NHSL1: variants seen among roughly 807,000 people sequenced by gnomAD.
NHSL1 encodes the protein NHS like 1, also known as NHS-like protein 1.
Under a neutral mutation model 95.0 loss-of-function variants are expected in NHSL1, and 48 were observed. The ratio of observed to expected loss-of-function variants is 0.51; its 90% CI spans 0.40 to 0.64. The LOEUF (loss-of-function observed/expected upper bound fraction) is 0.64, where lower values mean the gene tolerates loss of function less well. NHSL1 is among the 30% of genes least tolerant of loss of function. The pLI, the probability that NHSL1 is intolerant of heterozygous loss-of-function variation, is 0.00. For missense variants in NHSL1, 1,971 were observed against 2,077.7 expected (o/e 0.95, Z 1.00); for synonymous variants, 783 against 833.9 (o/e 0.94, Z 1.05).
intron 1 of NHSL1, among the ~76,000 whole-genome samples, chr6:138,601,533 C>G (rs6927430): frequency 0.47 from 71,820 of 151,810 alleles, 19,330 homozygotes; most frequent in African/African-American, 0.74. Flanking sequence ...GTTTTTCTTG[C>G]CCGGGCACGG....
At chr6:138,662,300 G>A (rs1785237654) in intron 1 of NHSL1, among the ~76,000 whole-genome samples, 2 of 152,138 alleles carry the variant, frequency 1.3e-5, no homozygotes, top group Admixed American at 1.3e-4. Flanking sequence ...CATTACAAGT[G>A]TAGTTTAACC....
chr6:138,687,092 C>T (rs970078361), intron 1 of NHSL1, among the ~76,000 whole-genome samples: 5 of 152,030 alleles, frequency 3.3e-5, no homozygotes, highest in Admixed American at 2.0e-4. Flanking sequence ...ATGCCAATTT[C>T]GCCAAACATT....
chr6:138,681,037 CT>C (rs1216257458), intron 1 of NHSL1, among the ~76,000 whole-genome samples: 2 of 152,084 alleles, frequency 1.3e-5, no homozygotes, highest in Non-Finnish European at 2.9e-5. Context: ...GTTAATTAAT[CT>C]TTTTTCCCAA....
intron 3 of NHSL1, among the ~76,000 whole-genome samples, chr6:138,471,804 T>C (rs1175128725): frequency 6.6e-6 from 1 of 152,248 alleles, no homozygotes; most frequent in Non-Finnish European, 1.5e-5. Context: ...TAGTCTGATT[T>C]AATCATTCCA....
chr6:138,426,481 C>A (rs4895523), intron 7 of NHSL1, among the ~76,000 whole-genome samples: 23,502 of 152,122 alleles, frequency 0.15, 3,473 homozygotes, highest in African/African-American at 0.39. Context: ...TTCCTATCAC[C>A]AAAAGGGGAA....
chr6:138,505,747 C>A (rs927232597), intron 1 of NHSL1, among the ~76,000 whole-genome samples: 2 of 151,316 alleles, frequency 1.3e-5, no homozygotes, highest in African/African-American at 4.9e-5. Context: ...AAATAAAAGT[C>A]AGACATAATA....
At chr6:138,667,230 C>T (rs763630886) in intron 1 of NHSL1, among the ~76,000 whole-genome samples, 8 of 152,124 alleles carry the variant, frequency 5.3e-5, no homozygotes, top group Non-Finnish European at 1.0e-4. Context: ...AGCTACAGCT[C>T]TAAATGTAGA....
chr6:138,686,869 A>T (rs1461823805), intron 1 of NHSL1, among the ~76,000 whole-genome samples: 2 of 152,174 alleles, frequency 1.3e-5, no homozygotes, highest in Non-Finnish European at 2.9e-5. Flanking sequence ...AGGGTCTGGG[A>T]ATCTCTAATT....
chr6:138,508,008 C>T (rs1313489480), intron 1 of NHSL1, among the ~76,000 whole-genome samples: 2 of 152,170 alleles, frequency 1.3e-5, no homozygotes, highest in Admixed American at 6.5e-5. Flanking sequence ...AAGCTAAAGG[C>T]TTCTGCTGTA....
At chr6:138,538,328 C>T (rs879806880) in intron 1 of NHSL1, among the ~76,000 whole-genome samples, 11 of 152,136 alleles carry the variant, frequency 7.2e-5, no homozygotes, top group East Asian at 1.9e-4. Context: ...TTTTGCCATG[C>T]CATCCCACAT....
upstream of NHSL1, among the ~76,000 whole-genome samples, chr6:138,546,427 C>CAAAA (rs1177720465): frequency 3.3e-3 from 169 of 50,964 alleles, 8 homozygotes; most frequent in African/African-American, 5.1e-3. Context: ...CCCATCTCTA[C>CAAAA]AAAAAAAAAA....
chr6:138,426,246 A>G (rs1775255625), intron 7 of NHSL1, among the ~76,000 whole-genome samples: 2 of 152,234 alleles, frequency 1.3e-5, no homozygotes, highest in South Asian at 4.1e-4. Context: ...TGAGAGTATG[A>G]TATCTGTACA....
chr6:138,461,461 G>A (rs1387595527), intron 3 of NHSL1, among the ~76,000 whole-genome samples: 1 of 152,348 alleles, frequency 6.6e-6, no homozygotes, highest in East Asian at 1.9e-4. Context: ...AGAGAGGGAA[G>A]AGGAAAACCA....
rs140139553 is a variant in NHSL1 at position 138,557,523 on chromosome 6, A to C, written c.202+14187T>G. On this transcript the variant is annotated intron_variant, in intron 1 of 6. Coordinates refer to the NHSL1 transcript ENST00000427025. ...AAGGCTTCCAGCAAAAGTGAAATAC[A>C]AAACAGTCACTGGAAGTTAAAGAAC... is the stretch of plus-strand genomic sequence containing the variant. Among the ~76,000 whole-genome samples the C allele has an allele frequency of 2.6e-4, 40 of 152,360 alleles. No individual in the cohort carries two copies. In the East Asian group the frequency reaches 7.7e-3, roughly 29 times the overall value.
At chr6:138,681,888 CAG>C (rs1287070111) in intron 1 of NHSL1, among the ~76,000 whole-genome samples, 2 of 152,062 alleles carry the variant, frequency 1.3e-5, no homozygotes, top group African/African-American at 4.8e-5. Flanking sequence ...TTAATCATAA[CAG>C]GGAGTGCAGG....
chr6:138,535,991 G>A (rs945300256), intron 1 of NHSL1, among the ~76,000 whole-genome samples: 2 of 152,140 alleles, frequency 1.3e-5, no homozygotes, highest in African/African-American at 4.8e-5. Context: ...TCAAGCAAGA[G>A]ACAAAGGAGG....
chr6:138,432,702 C>T lies in NHSL1; in HGVS notation c.1643G>A (p.Ser548Asn). The change falls in exon 6 of 8, where the codon AGC becomes AAC. Residue 548 changes from serine (S) to asparagine (N), a missense_variant. Coordinates refer to ENST00000343505, the MANE Select transcript of NHSL1 (RefSeq NM_001144060.2). The surrounding 1 kb of genome is among the most constrained non-coding windows in gnomAD (Gnocchi z 4.4). ...ESSYSGGGGH[S>N]SSEPWEYKSS... ...TTTGTATTCCCAGGGCTCCGAGCTG[C>T]TGTGCCCTCCGCCCCCTGAATAACT... The T allele has an allele frequency of 6.4e-7, 1 of 1,551,662 alleles. No individual in the cohort carries two copies. Among genetic ancestry groups the T allele is most frequent in the Non-Finnish European group, 8.7e-7 (1 of 1,146,940 alleles).
chr6:138,633,283 C>T (rs1045793791), intron 1 of NHSL1, among the ~76,000 whole-genome samples: 2 of 152,022 alleles, frequency 1.3e-5, no homozygotes, highest in South Asian at 2.1e-4. Context: ...TTTATTCAAA[C>T]GGATAATAAC....
chr6:138,630,608 C>A (rs111708078), intron 1 of NHSL1, among the ~76,000 whole-genome samples: 2,177 of 152,278 alleles, frequency 0.014, 32 homozygotes, highest in East Asian at 0.075. Context: ...TGGTCTCGAA[C>A]TCCCAACCTC....
Sources: allele counts gnomAD v4.1 joint callset (sites outside exome capture counted in the v4.1 genomes callset), GRCh38; gene constraint gnomAD v4.1.1; non-coding constraint Gnocchi (gnomAD v3.1); transcripts MANE v1.5; gene names NCBI Gene and HGNC (gene_info 2026-07-23, HGNC 2026-07-21).